Variants in CAPSL observed in about 807,000 individuals in gnomAD.
CAPSL encodes the protein calcyphosin-like protein.
A neutral mutation model predicts 21.3 loss-of-function variants in CAPSL; 17 were observed. That is an observed-to-expected ratio of 0.80 (90% CI 0.55 to 1.20). CAPSL has a LOEUF of 1.20. CAPSL is among the 50% of genes most tolerant of loss of function. CAPSL has a pLI of 0.00. For synonymous variants in CAPSL, 102 were observed against 89.3 expected, an observed-to-expected ratio of 1.14 and a Z score of -0.80; for missense variants, 289 against 259.3, an observed-to-expected ratio of 1.11 and a Z score of -0.79.
chr5:35,936,657 C>T (rs1033572488), intron 1 of CAPSL, among the ~76,000 whole-genome samples: 1 of 152,132 alleles, frequency 6.6e-6, no homozygotes, highest in African/African-American at 2.4e-5. Flanking sequence ...AAATCTAACT[C>T]CCTGTCTCTC....
intron 2 of CAPSL, among the ~76,000 whole-genome samples, chr5:35,911,139 A>G (rs773107178): frequency 3.9e-4 from 60 of 152,242 alleles, no homozygotes; most frequent in Non-Finnish European, 4.3e-4. Flanking sequence ...GATAGAGTAA[A>G]TAAAGATGAA....
chr5:35,907,635 C>T (rs1449184285), intron 4 of CAPSL, among the ~76,000 whole-genome samples: 1 of 152,150 alleles, frequency 6.6e-6, no homozygotes, highest in African/African-American at 2.4e-5. Flanking sequence ...TCCGTGACTG[C>T]TGAAACTCCA....
chr5:35,913,042 A>T (rs919647909), intron 2 of CAPSL, among the ~76,000 whole-genome samples: 13 of 152,222 alleles, frequency 8.5e-5, no homozygotes, highest in African/African-American at 2.9e-4. Context: ...AACCATGACA[A>T]GAGAACTACG....
chr5:35,904,618 T>C lies in CAPSL; in HGVS notation c.554A>G (p.Tyr185Cys), dbSNP rs1403218154. Residue 185 changes from tyrosine to cysteine, a missense_variant, in exon 5 of 5, where the codon TAT (tyrosine) becomes TGT (cysteine). Transcript: ENST00000651391. ...LVTPEEFMNY[Y>C]AGVSASIDTD... Reference sequence around the variant, plus strand: ...GTCAATGGATGCGCTCACACCTGCATAGTAGTTCATGAACTCCTCAGGGGT... The same window carrying C: ...GTCAATGGATGCGCTCACACCTGCACAGTAGTTCATGAACTCCTCAGGGGT... The C allele has an allele frequency of 1.9e-6, 3 of 1,613,776 alleles. No homozygotes were observed. Among genetic ancestry groups the C allele is most frequent in the Non-Finnish European group, 2.5e-6 (3 of 1,179,964 alleles).
chr5:35,932,862 C>G (rs1305426102), intron 1 of CAPSL, among the ~76,000 whole-genome samples: 1 of 152,184 alleles, frequency 6.6e-6, no homozygotes, highest in Non-Finnish European at 1.5e-5. Context: ...AAATAAGGCT[C>G]ACTTTTCCAC....
intron 1 of CAPSL, among the ~76,000 whole-genome samples, chr5:35,934,676 T>C (rs2149935182): frequency 6.6e-6 from 1 of 152,340 alleles, no homozygotes; most frequent in East Asian, 1.9e-4. Context: ...AATGCTTTGA[T>C]TGAGATATGA....
At chr5:35,905,852 G>A (rs1218584169) in intron 4 of CAPSL, among the ~76,000 whole-genome samples, 1 of 152,160 alleles carries the variant, frequency 6.6e-6, no homozygotes, top group African/African-American at 2.4e-5. Flanking sequence ...ATAAGCCTAG[G>A]CCCACAGGCT....
intron 2 of CAPSL, among the ~76,000 whole-genome samples, chr5:35,912,072 C>A (rs185612583): frequency 1.5e-3 from 221 of 152,316 alleles, no homozygotes; most frequent in African/African-American, 4.8e-3. Context: ...TATCCTGCAC[C>A]TGGCTCGGAG....
intron 4 of CAPSL, 131 bp downstream of exon 4, chr5:35,909,735 A>G (rs1738161127): frequency 2.6e-6 from 2 of 782,780 alleles, no homozygotes; most frequent in Non-Finnish European, 4.1e-6. Context: ...GATTGTTCCT[A>G]GGGAAATAGT....
intron 1 of CAPSL, among the ~76,000 whole-genome samples, chr5:35,921,751 G>C (rs1482604040): frequency 2.0e-5 from 3 of 152,128 alleles, no homozygotes; most frequent in African/African-American, 7.2e-5. Context: ...ACAGTGGGAA[G>C]AGCACTTAGC....
intron 2 of CAPSL, among the ~76,000 whole-genome samples, chr5:35,914,017 T>A (rs557039096): frequency 6.6e-6 from 1 of 152,072 alleles, no homozygotes; most frequent in Non-Finnish European, 1.5e-5. Context: ...GAGGAAGATC[T>A]ACCAAGCAAA....
chr5:35,930,639 T>G (rs1368012601), intron 1 of CAPSL, among the ~76,000 whole-genome samples: 1 of 152,240 alleles, frequency 6.6e-6, no homozygotes, highest in Non-Finnish European at 1.5e-5. Flanking sequence ...TGCATGTTTA[T>G]TAAACACCTA....
intron 1 of CAPSL, among the ~76,000 whole-genome samples, chr5:35,931,381 C>A (rs1738819120): frequency 6.7e-6 from 1 of 149,272 alleles, no homozygotes; most frequent in Non-Finnish European, 1.5e-5. Context: ...TGAAAGAGAG[C>A]AAAATAAACA....
At chr5:35,930,963 C>A (rs1351559675) in intron 1 of CAPSL, among the ~76,000 whole-genome samples, 2 of 152,130 alleles carry the variant, frequency 1.3e-5, no homozygotes, top group African/African-American at 4.8e-5. Flanking sequence ...CTATGCCAGC[C>A]TCTATGCAAT....
chr5:35,914,489 C>A (rs1167056304), intron 2 of CAPSL, among the ~76,000 whole-genome samples: 1 of 151,996 alleles, frequency 6.6e-6, no homozygotes, highest in Admixed American at 6.5e-5. Flanking sequence ...TGTAAAAGAA[C>A]AGAAATTATA....
intron 3 of CAPSL, 89 bp downstream of exon 3, chr5:35,910,277 C>G (rs1223444033): frequency 8.5e-6 from 12 of 1,419,822 alleles, no homozygotes; most frequent in Admixed American, 4.1e-5. Flanking sequence ...AGTGTACTAA[C>G]AACTTGTAAA....
intron 2 of CAPSL, among the ~76,000 whole-genome samples, chr5:35,917,663 C>A (rs886990832): frequency 6.6e-6 from 1 of 151,982 alleles, no homozygotes; most frequent in Non-Finnish European, 1.5e-5. Context: ...GGGAATTGAA[C>A]AATGAGAACA....
chr5:35,924,177 G>T (rs139523198), intron 1 of CAPSL, among the ~76,000 whole-genome samples: 2 of 152,250 alleles, frequency 1.3e-5, no homozygotes, highest in East Asian at 3.9e-4. Flanking sequence ...TGCCCAAGTC[G>T]CACGGAAACA....
At chr5:35,916,761 C>A (rs150116021) in intron 2 of CAPSL, among the ~76,000 whole-genome samples, 1 of 152,058 alleles carries the variant, frequency 6.6e-6, no homozygotes, top group Non-Finnish European at 1.5e-5. Context: ...CCATAAAAAC[C>A]GTAGAAGAAA....
Sources: allele counts gnomAD v4.1 joint callset (sites outside exome capture counted in the v4.1 genomes callset), GRCh38; gene constraint gnomAD v4.1.1; transcripts MANE v1.5; gene names NCBI Gene and HGNC (gene_info 2026-07-23, HGNC 2026-07-21).